The following ANO2 variants were observed in gnomAD, a reference collection of about 807,000 sequenced individuals.
The protein encoded by ANO2 is anoctamin 2.
Under a neutral mutation model 124.2 loss-of-function variants are expected in ANO2, and 101 were observed. The observed-to-expected ratio is 0.81, with a 90% CI of 0.69 to 0.96. ANO2 has a LOEUF of 0.96. Ranked by LOEUF, ANO2 falls within the 40% of genes least tolerant of loss-of-function variation. The pLI, the probability that ANO2 is intolerant of heterozygous loss-of-function variation, is 0.00. For missense variants in ANO2, 1,293 were observed against 1,274.5 expected (o/e 1.01, Z -0.22); for synonymous variants, 486 against 482.5 (o/e 1.01, Z -0.09).
intron 14 of ANO2, among the ~76,000 whole-genome samples, chr12:5,697,776 C>T (rs369514397): frequency 1.1e-4 from 17 of 152,360 alleles, no homozygotes; most frequent in African/African-American, 2.4e-4. Context: ...CTTTATCCAA[C>T]GGTCCTAGCA....
chr12:5,715,229 C>T (rs1298917440), intron 14 of ANO2, among the ~76,000 whole-genome samples: 1 of 152,152 alleles, frequency 6.6e-6, no homozygotes, highest in African/African-American at 2.4e-5. Context: ...GGGTTTCATA[C>T]ATTTTTCGGT....
chr12:5,829,939 T>C (rs1033197270), intron 6 of ANO2, among the ~76,000 whole-genome samples: 1 of 152,180 alleles, frequency 6.6e-6, no homozygotes, highest in African/African-American at 2.4e-5. Flanking sequence ...CTAACTAGCA[T>C]TCCTTGTTAT....
At chr12:5,931,112 G>A (rs886177768) in intron 1 of ANO2, among the ~76,000 whole-genome samples, 3 of 152,132 alleles carry the variant, frequency 2.0e-5, no homozygotes, top group Admixed American at 1.3e-4. Context: ...ATCTCACCAA[G>A]TTAGTCCCAC....
At position 5,641,334 on chromosome 12, in the gene ANO2, T is replaced by A. The variant is rs143308580; in HGVS notation, c.1621-5987A>T. 2.2e-3 allele frequency among the ~76,000 whole-genome samples: 332 copies of A among 152,256 alleles called. 2 individuals are homozygous for A. Among genetic ancestry groups the A allele is most frequent in the African/African-American group, 7.6e-3 (317 of 41,512 alleles). ...CACATGTATACCTAGGTAGCAAACC[T>A]GCACATTGTGCACATGTACCCTAGA... On this transcript the variant is annotated intron_variant, in intron 15 of 24. Transcript: ENST00000682330.
chr12:5,741,567 A>G (rs1029049591), intron 12 of ANO2, among the ~76,000 whole-genome samples: 1 of 152,092 alleles, frequency 6.6e-6, no homozygotes, highest in Non-Finnish European at 1.5e-5. Flanking sequence ...TGGTGTCTCC[A>G]TGAAGGGAGG....
At chr12:5,933,119 C>T (rs1234724523) in intron 1 of ANO2, among the ~76,000 whole-genome samples, 1 of 152,178 alleles carries the variant, frequency 6.6e-6, no homozygotes, top group East Asian at 1.9e-4. Flanking sequence ...ACAGAAAGGG[C>T]CCTATCTGGT....
intron 14 of ANO2, among the ~76,000 whole-genome samples, chr12:5,673,590 C>T (rs1948110051): frequency 6.6e-6 from 1 of 152,128 alleles, no homozygotes; most frequent in Non-Finnish European, 1.5e-5. Context: ...TTCATAGTAG[C>T]CACTTCATAA....
intron 10 of ANO2, among the ~76,000 whole-genome samples, chr12:5,781,942 A>G (rs1466239591): frequency 3.3e-5 from 5 of 152,220 alleles, no homozygotes; most frequent in Non-Finnish European, 7.3e-5. Flanking sequence ...TGGGTATAGT[A>G]TTCTATAAAC....
intron 16 of ANO2, among the ~76,000 whole-genome samples, chr12:5,619,402 C>T (rs977453578): frequency 3.9e-5 from 6 of 152,158 alleles, no homozygotes; most frequent in Admixed American, 1.3e-4. Flanking sequence ...GGAAGAATAA[C>T]GCTGGAGGAC....
chr12:5,766,376 T>G (rs568926864), intron 10 of ANO2, among the ~76,000 whole-genome samples: 48 of 152,168 alleles, frequency 3.2e-4, no homozygotes, highest in Non-Finnish European at 5.9e-4. Flanking sequence ...GCAATGAGAA[T>G]GAACAAACTA....
At position 5,615,846 on chromosome 12, in the gene ANO2, G is replaced by T. The variant is rs117320693; in HGVS notation, c.1817-549C>A. ...AGGAAAGCATTCATCTGCATGTCCTGTGGGGAACCTAAGACACTTCCCAGT... is the reference window on the plus strand; with the variant it reads ...AGGAAAGCATTCATCTGCATGTCCTTTGGGGAACCTAAGACACTTCCCAGT... On this transcript the variant is annotated intron_variant, in intron 16 of 24. Coordinates refer to ENST00000682330, the MANE Select transcript of ANO2 (RefSeq NM_001364791.2). Among the ~76,000 whole-genome samples the T allele has an allele frequency of 7.1e-3, 1,088 of 152,206 alleles. 33 individuals carry two copies. The highest frequency in any genetic ancestry group is 0.051 in the Admixed American group (777 of 15,288).
At chr12:5,607,224 C>T (rs1404932459) in intron 19 of ANO2, among the ~76,000 whole-genome samples, 6 of 152,088 alleles carry the variant, frequency 3.9e-5, no homozygotes, top group South Asian at 2.1e-4. Flanking sequence ...TTGTTCTCTC[C>T]GGTTTCACTC....
intron 16 of ANO2, among the ~76,000 whole-genome samples, chr12:5,618,793 A>G (rs1297467971): frequency 6.6e-6 from 1 of 152,326 alleles, no homozygotes; most frequent in Middle Eastern, 3.4e-3. Flanking sequence ...CCTTCCTTCA[A>G]GGAGCTTCAC....
intron 14 of ANO2, among the ~76,000 whole-genome samples, chr12:5,677,680 G>A (rs927263231): frequency 1.3e-5 from 2 of 152,170 alleles, no homozygotes; most frequent in Admixed American, 6.5e-5. Flanking sequence ...CAAGCATTGG[G>A]AGAGAGGAAG....
intron 3 of ANO2, among the ~76,000 whole-genome samples, chr12:5,895,138 C>T (rs1436125010): frequency 2.0e-5 from 3 of 152,060 alleles, no homozygotes; most frequent in Non-Finnish European, 4.4e-5. Flanking sequence ...GAATGTTTTT[C>T]CATTTGTTTG....
chr12:5,704,740 C>G (rs927562049), intron 14 of ANO2, among the ~76,000 whole-genome samples: 2 of 150,576 alleles, frequency 1.3e-5, no homozygotes, highest in African/African-American at 2.5e-5. Context: ...ACACAGACAT[C>G]CTATACATAT....
chr12:5,799,095 C>G (rs1952959490), intron 10 of ANO2, among the ~76,000 whole-genome samples: 1 of 152,252 alleles, frequency 6.6e-6, no homozygotes, highest in African/African-American at 2.4e-5. Context: ...CAGCATATTC[C>G]TCATGTGATT....
At chr12:5,656,581 C>T (rs1485723950) in intron 14 of ANO2, among the ~76,000 whole-genome samples, 1 of 152,172 alleles carries the variant, frequency 6.6e-6, no homozygotes, top group Non-Finnish European at 1.5e-5. Flanking sequence ...GACTCATTCC[C>T]CACCCACTGT....
At chr12:5,887,828 G>GT (rs368427647) in intron 3 of ANO2, among the ~76,000 whole-genome samples, 171 of 148,084 alleles carry the variant, frequency 1.2e-3, no homozygotes, top group East Asian at 8.7e-3. Flanking sequence ...ATGCCCCCCG[G>GT]TTTTTTTTTT....
Sources: gnomAD v4.1 joint callset for allele counts (sites outside exome capture counted in the v4.1 genomes callset) on GRCh38, gnomAD v4.1.1 for gene constraint, MANE v1.5 for transcripts, NCBI Gene and HGNC (gene_info 2026-07-23, HGNC 2026-07-21) for gene names.